The following EIF3H variants were observed in gnomAD, a reference collection of about 807,000 sequenced individuals.
EIF3H encodes the protein eIF-3-gamma.
EIF3H carries 26 observed loss-of-function variants against 44.2 expected under a neutral mutation model. The observed-to-expected ratio is 0.59, with a 90% CI of 0.43 to 0.82. EIF3H has a LOEUF of 0.82. EIF3H is among the 40% of genes least tolerant of loss of function. The pLI, the probability that EIF3H is intolerant of heterozygous loss-of-function variation, is 0.00. For synonymous variants in EIF3H, 166 were observed against 151.9 expected, an observed-to-expected ratio of 1.09 and a Z score of -0.68; for missense variants, 359 against 432.8, an observed-to-expected ratio of 0.83 and a Z score of 1.51.
intron 2 of EIF3H, among the ~76,000 whole-genome samples, chr8:116,669,078 C>T (rs1813711982): frequency 6.6e-6 from 1 of 152,020 alleles, no homozygotes; most frequent in Non-Finnish European, 1.5e-5. Flanking sequence ...AAAGTCTATG[C>T]ATTTCTAACA....
intron 2 of EIF3H, among the ~76,000 whole-genome samples, chr8:116,660,819 C>G (rs1245728125): frequency 6.6e-6 from 1 of 152,106 alleles, no homozygotes; most frequent in Non-Finnish European, 1.5e-5. Context: ...CTTTGTATAC[C>G]AAACCAGTGT....
At chr8:116,743,478 T>C (rs913789840) in intron 1 of EIF3H, among the ~76,000 whole-genome samples, 2 of 150,752 alleles carry the variant, frequency 1.3e-5, no homozygotes, top group Non-Finnish European at 3.0e-5. Flanking sequence ...GCACAGTGGC[T>C]CATGCCTATA....
chr8:116,744,071 A>T (rs1483196614), intron 1 of EIF3H, among the ~76,000 whole-genome samples: 1 of 152,028 alleles, frequency 6.6e-6, no homozygotes, highest in Non-Finnish European at 1.5e-5. Flanking sequence ...CAAAGAACTA[A>T]GTAAGTGATC....
At chr8:116,707,599 A>C (rs1485418108) in intron 2 of EIF3H, among the ~76,000 whole-genome samples, 1 of 152,180 alleles carries the variant, frequency 6.6e-6, no homozygotes, top group Non-Finnish European at 1.5e-5. Context: ...CCCCTAAAAC[A>C]TGAGTGTACT....
At chr8:116,735,717 G>A (rs560589813) in intron 1 of EIF3H, among the ~76,000 whole-genome samples, 6 of 151,988 alleles carry the variant, frequency 3.9e-5, no homozygotes, top group South Asian at 2.1e-4. Context: ...GTGGATCATC[G>A]TGGGGAATCT....
chr8:116,755,831 A>T, upstream of EIF3H: 1 of 1,608,384 alleles, frequency 6.2e-7, no homozygotes, highest in Non-Finnish European at 8.5e-7. Context: ...GAGAAACGTG[A>T]GTTACCGGAA....
chr8:116,736,715 T>C (rs539084656), intron 1 of EIF3H, among the ~76,000 whole-genome samples: 1 of 152,162 alleles, frequency 6.6e-6, no homozygotes, highest in African/African-American at 2.4e-5. Context: ...TGAACAAAAC[T>C]GTACACACTT....
chr8:116,740,232 C>G (rs552835528), intron 1 of EIF3H, among the ~76,000 whole-genome samples: 12 of 152,294 alleles, frequency 7.9e-5, no homozygotes, highest in African/African-American at 2.9e-4. Flanking sequence ...GCAAACACTT[C>G]TTAATTTATG....
chr8:116,663,856 G>A (rs1348407584), intron 2 of EIF3H, among the ~76,000 whole-genome samples: 5 of 150,522 alleles, frequency 3.3e-5, no homozygotes, highest in East Asian at 2.0e-4. Flanking sequence ...GTTTGAGCCC[G>A]TGAGGCAGAT....
At chr8:116,661,813 C>T (rs1813590451) in intron 2 of EIF3H, among the ~76,000 whole-genome samples, 1 of 152,164 alleles carries the variant, frequency 6.6e-6, no homozygotes, top group African/African-American at 2.4e-5. Flanking sequence ...CAGAGTCTTA[C>T]CTATTCTACA....
intron 2 of EIF3H, chr8:116,697,118 ACT>A (rs1343722107): frequency 2.0e-5 from 9 of 455,592 alleles, no homozygotes; most frequent in African/African-American, 1.8e-4. Context: ...GGTGAATCTC[ACT>A]CTCTTAGTGT....
intron 2 of EIF3H, among the ~76,000 whole-genome samples, chr8:116,705,960 T>TAA (rs535165423): frequency 4.2e-5 from 6 of 141,464 alleles, no homozygotes; most frequent in South Asian, 2.3e-4. Flanking sequence ...AAAGTTTATT[T>TAA]AAAAAAAAAA....
intron 1 of EIF3H, among the ~76,000 whole-genome samples, chr8:116,751,993 A>C (rs1815352172): frequency 2.0e-5 from 3 of 152,162 alleles, no homozygotes; most frequent in Non-Finnish European, 4.4e-5. Context: ...GCAGAGACTA[A>C]AAGAAAAGCC....
At chr8:116,765,595 A>T (rs1815563366) in exon 1 of EIF3H, 1 of 152,238 alleles carries the variant, frequency 6.6e-6, no homozygotes, top group Non-Finnish European at 1.5e-5. Flanking sequence ...AAATTGACCA[A>T]GTAATTTTTA....
intron 1 of EIF3H, among the ~76,000 whole-genome samples, chr8:116,748,396 T>C (rs1446026055): frequency 6.6e-6 from 1 of 152,116 alleles, no homozygotes; most frequent in Non-Finnish European, 1.5e-5. Flanking sequence ...ATATTAGTGA[T>C]TTTTCAAACA....
chr8:116,721,025 G>C (rs1437588390), intron 2 of EIF3H, among the ~76,000 whole-genome samples: 4 of 152,058 alleles, frequency 2.6e-5, no homozygotes. Flanking sequence ...ATAATGAGGA[G>C]CCAAATGTGC....
intron 5 of EIF3H, among the ~76,000 whole-genome samples, chr8:116,649,508 A>G (rs541262633): frequency 2.0e-4 from 30 of 152,348 alleles, no homozygotes; most frequent in Admixed American, 5.9e-4. Context: ...AGTTACCAAC[A>G]TCGCTTTATA....
chr8:116,651,662 A>G (rs1413035297), intron 5 of EIF3H, among the ~76,000 whole-genome samples: 1 of 152,202 alleles, frequency 6.6e-6, no homozygotes, highest in African/African-American at 2.4e-5. Flanking sequence ...GTAATTTTTT[A>G]AATCACTTTT....
At chr8:116,742,850 T>C (rs1320986653) in intron 1 of EIF3H, among the ~76,000 whole-genome samples, 2 of 152,340 alleles carry the variant, frequency 1.3e-5, no homozygotes, top group East Asian at 1.9e-4. Context: ...CTTTGATTTG[T>C]GTGCCATATG....
Sources: allele counts gnomAD v4.1 joint callset (sites outside exome capture counted in the v4.1 genomes callset), GRCh38; gene constraint gnomAD v4.1.1; transcripts MANE v1.5; gene names NCBI Gene and HGNC (gene_info 2026-07-23, HGNC 2026-07-21).